ALG13: variants seen among roughly 807,000 people sequenced by gnomAD.
ALG13 encodes the protein ALG13 UDP-N-acetylglucosaminyltransferase subunit.
In ALG13, 11 loss-of-function variants were observed where a neutral mutation model predicts 87.8. That is an observed-to-expected ratio of 0.13 (90% CI 0.08 to 0.21). ALG13 has a LOEUF of 0.21. Among genes scored for constraint, ALG13 ranks in the 10% least tolerant of loss-of-function variants. ALG13 has a pLI of 1.00. For synonymous variants in ALG13, 320 were observed against 306.3 expected (o/e 1.04, Z -0.47); for missense variants, 756 against 866.1 (o/e 0.87, Z 1.60).
At chrX:111,681,653 C>T (rs1053977103) in intron 1 of ALG13, 8 of 901,988 alleles carry the variant, frequency 8.9e-6, no homozygotes, top group Middle Eastern at 5.1e-4. Flanking sequence ...CCACCGGGCT[C>T]GGCAGTTTTT....
At chrX:111,733,837 T>G (rs1942970265) in intron 21 of ALG13, among the ~76,000 whole-genome samples, 1 of 111,840 alleles carries the variant, frequency 8.9e-6, no homozygotes, top group South Asian at 3.7e-4. Context: ...TATTTTTGAT[T>G]ATGGCCATTC....
intron 15 of ALG13, among the ~76,000 whole-genome samples, chrX:111,726,327 G>A (rs959622083): frequency 3.9e-5 from 4 of 102,763 alleles, no homozygotes. Flanking sequence ...TCCACCTTTC[G>A]GGCTCAAGCA....
chrX:111,690,064 G>A, intron 3 of ALG13: 2 of 743,715 alleles, frequency 2.7e-6, no homozygotes, highest in Non-Finnish European at 3.2e-6. Context: ...GGAGTTGGGA[G>A]ATAATTTAAA....
At chrX:111,726,070 A>G (rs1469088801) in intron 15 of ALG13, among the ~76,000 whole-genome samples, 2 of 110,882 alleles carry the variant, frequency 1.8e-5, no homozygotes, top group Non-Finnish European at 1.9e-5. Context: ...CAGCCTCCCA[A>G]GTAGCTGGGA....
At chrX:111,749,116 C>A (rs138215378) in intron 24 of ALG13, among the ~76,000 whole-genome samples, 4 of 111,184 alleles carry the variant, frequency 3.6e-5, no homozygotes, top group Non-Finnish European at 7.5e-5. Flanking sequence ...CAACAAAAAA[C>A]CTTGGCCTTA....
At chrX:111,721,742 T>C (rs1198033876) in intron 12 of ALG13, 31 bp downstream of exon 12, 19 of 997,651 alleles carry the variant, frequency 1.9e-5, no homozygotes, top group Non-Finnish European at 2.7e-5. Context: ...TACTTTTGAA[T>C]CCTGACAAAT....
At chrX:111,690,998 C>CTG (rs1936036479) in intron 3 of ALG13, among the ~76,000 whole-genome samples, 1 of 111,420 alleles carries the variant, frequency 9.0e-6, no homozygotes, top group African/African-American at 3.3e-5. Context: ...GACACATGGA[C>CTG]AGATCATTTG....
At chrX:111,702,556 C>G (rs1938064180) in intron 3 of ALG13, among the ~76,000 whole-genome samples, 1 of 111,686 alleles carries the variant, frequency 9.0e-6, no homozygotes, top group African/African-American at 3.3e-5. Flanking sequence ...TATATTCAAA[C>G]ACATCGGGTT....
rs984038833 is a variant in ALG13 at position 111,701,853 on chromosome X, G to A, written c.384-6174G>A. Among the ~76,000 whole-genome samples, 6 of 110,873 alleles carry A rather than the reference G, an allele frequency of 5.4e-5. No homozygotes were observed. In the Admixed American group the frequency reaches 5.7e-4, roughly 11 times the overall value. On this transcript the variant is annotated intron_variant, in intron 3 of 26. Transcript: ENST00000394780. ...TTTTTGTTACATCCTGTAAGTTTTT[G>A]TATGTTGTGTTTCCATTTTCATTTG...
chrX:111,700,637 C>T (rs1299004738), intron 3 of ALG13, among the ~76,000 whole-genome samples: 19 of 105,802 alleles, frequency 1.8e-4, no homozygotes, highest in Non-Finnish European at 1.9e-4. Flanking sequence ...AGTGCAATGG[C>T]GTGATCTCGG....
intron 23 of ALG13, among the ~76,000 whole-genome samples, chrX:111,738,891 A>G (rs1341723238): frequency 9.0e-6 from 1 of 111,593 alleles, no homozygotes; most frequent in Non-Finnish European, 1.9e-5. Context: ...AAATTGAAAA[A>G]AAAAAATGAA....
At position 111,727,635 on chromosome X, in the gene ALG13, C is replaced by T. The variant is rs775927215; in HGVS notation, c.2112C>T (p.Arg704=). ...YRSRSFRRSH[R]QMSCVNKESQ... Reference sequence around the variant, plus strand: ...TAAGTTCATTTAGACGTAGTCACCGCCAGATGAGTTGTGTGAATAAGGAGT... The same window carrying T: ...TAAGTTCATTTAGACGTAGTCACCGTCAGATGAGTTGTGTGAATAAGGAGT... The change falls in exon 18 of 27, where the codon CGC becomes CGT. Residue 704 remains arginine, a synonymous_variant. Transcript: ENST00000394780. 2.5e-6 allele frequency: 3 copies of T among 1,207,153 alleles called. No homozygotes were observed. Among genetic ancestry groups the T allele is most frequent in the East Asian group, 5.9e-5 (2 of 33,759 alleles).
intron 19 of ALG13, 46 bp from the exon 20 acceptor site, chrX:111,730,349 A>C: frequency 8.5e-7 from 1 of 1,169,958 alleles, no homozygotes; most frequent in Non-Finnish European, 1.2e-6. Context: ...CTGAGCTAAA[A>C]AGACCTATAT....
chrX:111,744,933 G>T, intron 24 of ALG13, 29 bp downstream of exon 24: 1 of 1,104,154 alleles, frequency 9.1e-7, no homozygotes, highest in Non-Finnish European at 1.3e-6. Flanking sequence ...TTAGGTGAGG[G>T]ATCTGAGACT....
intron 22 of ALG13, 116 bp downstream of exon 22, chrX:111,735,238 T>C: frequency 2.1e-6 from 1 of 470,833 alleles, no homozygotes; most frequent in South Asian, 3.8e-5. Flanking sequence ...CCTTTAGGTA[T>C]TATTGTACCT....
intron 14 of ALG13, 146 bp from the exon 15 acceptor site, chrX:111,724,788 T>G (rs745671014): frequency 1.7e-6 from 1 of 588,694 alleles, no homozygotes; most frequent in South Asian, 3.5e-5. Context: ...TTAAGTTTTC[T>G]AAACTAATAA....
chrX:111,720,261 T>TA (rs1207965427), intron 11 of ALG13, 91 bp downstream of exon 11: 1 of 575,724 alleles, frequency 1.7e-6, no homozygotes, highest in Non-Finnish European at 2.6e-6. Flanking sequence ...ATATTCTAGT[T>TA]ATATGGGTTG....
intron 5 of ALG13, among the ~76,000 whole-genome samples, chrX:111,710,098 C>T (rs1003070567): frequency 9.2e-6 from 1 of 108,791 alleles, no homozygotes; most frequent in Non-Finnish European, 1.9e-5. Flanking sequence ...GGCAGGATCA[C>T]GGCTCGCTGC....
At chrX:111,681,597 C>T in intron 1 of ALG13, 1 of 948,442 alleles carries the variant, frequency 1.1e-6, no homozygotes, top group South Asian at 3.3e-5. Flanking sequence ...CCTCCGCGTC[C>T]TCCGCCCCTC....
Sources: gnomAD v4.1 joint callset for allele counts (sites outside exome capture counted in the v4.1 genomes callset) on GRCh38, gnomAD v4.1.1 for gene constraint, MANE v1.5 for transcripts, NCBI Gene and HGNC (gene_info 2026-07-23, HGNC 2026-07-21) for gene names.